The following PMFBP1 variants were observed in gnomAD, a reference collection of about 807,000 sequenced individuals.
PMFBP1 encodes polyamine-modulated factor 1-binding protein 1.
Under a neutral mutation model 137.8 loss-of-function variants are expected in PMFBP1, and 131 were observed. The observed-to-expected ratio is 0.95, with a 90% CI of 0.82 to 1.10. PMFBP1 has a LOEUF of 1.10. PMFBP1 is among the 50% of genes least tolerant of loss of function. The pLI, the probability that PMFBP1 is intolerant of heterozygous loss-of-function variation, is 0.00. For synonymous variants in PMFBP1, 490 were observed against 450.4 expected (o/e 1.09, Z -1.11); for missense variants, 1,199 against 1,175.4 (o/e 1.02, Z -0.29).
the PMFBP1 span, among the ~76,000 whole-genome samples, chr16:72,213,800 C>T: frequency 2.6e-5 from 4 of 152,218 alleles, no homozygotes; most frequent in East Asian, 7.7e-4. Context: ...GGGAAGAGAT[C>T]AAGGATTAGT....
the PMFBP1 span, among the ~76,000 whole-genome samples, chr16:72,246,465 A>T: frequency 1.3e-5 from 2 of 152,062 alleles, no homozygotes. Context: ...GTCCTTTGTG[A>T]TCTGGCCTCA....
At chr16:72,159,387 G>A (rs1022726753) in intron 3 of PMFBP1, among the ~76,000 whole-genome samples, 3 of 152,188 alleles carry the variant, frequency 2.0e-5, no homozygotes, top group Admixed American at 1.3e-4. Flanking sequence ...CCCAGAGGTC[G>A]TCTTGGATCT....
chr16:72,211,951 C>T, the PMFBP1 span, among the ~76,000 whole-genome samples: 1 of 152,042 alleles, frequency 6.6e-6, no homozygotes, highest in Non-Finnish European at 1.5e-5. Flanking sequence ...GAGCTGAGAT[C>T]CTGCCACTGC....
the PMFBP1 span, among the ~76,000 whole-genome samples, chr16:72,233,230 C>G: frequency 1.3e-5 from 2 of 152,124 alleles, no homozygotes; most frequent in Non-Finnish European, 2.9e-5. Flanking sequence ...ACCAACACCC[C>G]TAGCCCTAAT....
At chr16:72,164,701 C>T (rs1165636536) in intron 3 of PMFBP1, 63 bp downstream of exon 3, 1 of 1,530,282 alleles carries the variant, frequency 6.5e-7, no homozygotes, top group East Asian at 2.3e-5. Flanking sequence ...ATTATTCCCG[C>T]CCAAGGGAGC....
the PMFBP1 span, among the ~76,000 whole-genome samples, chr16:72,199,591 T>C: frequency 1.2e-4 from 18 of 147,442 alleles, no homozygotes; most frequent in African/African-American, 4.3e-4. Flanking sequence ...GAGGTGGAAG[T>C]TGCAGGGAGC....
At chr16:72,198,185 C>T in the PMFBP1 span, among the ~76,000 whole-genome samples, 3 of 152,106 alleles carry the variant, frequency 2.0e-5, no homozygotes, top group Non-Finnish European at 4.4e-5. Context: ...GCCATGGCGA[C>T]GTGTTCCAAG....
upstream of PMFBP1, among the ~76,000 whole-genome samples, chr16:72,177,395 G>A (rs140447700): frequency 3.9e-5 from 6 of 152,154 alleles, no homozygotes; most frequent in African/African-American, 1.4e-4. Context: ...CCCCCTTACA[G>A]CCCTTTTCCC....
upstream of PMFBP1, among the ~76,000 whole-genome samples, chr16:72,180,546 C>T (rs562715181): frequency 4.6e-5 from 7 of 152,184 alleles, no homozygotes; most frequent in African/African-American, 1.4e-4. Context: ...AACAAGTTGT[C>T]GGAAATGAAA....
intron 5 of PMFBP1, among the ~76,000 whole-genome samples, chr16:72,149,791 A>G (rs79862425): frequency 2.7e-5 from 4 of 149,502 alleles, no homozygotes; most frequent in African/African-American, 7.3e-5. Flanking sequence ...CCACTATCTC[A>G]AAAAAAAAAT....
At chr16:72,187,317 A>G in the PMFBP1 span, among the ~76,000 whole-genome samples, 1 of 152,126 alleles carries the variant, frequency 6.6e-6, no homozygotes, top group Non-Finnish European at 1.5e-5. Flanking sequence ...GGGCTCCAAG[A>G]TCTGTCCACA....
intron 15 of PMFBP1, 139 bp from the exon 16 acceptor site, chr16:72,125,544 G>C: frequency 1.0e-6 from 1 of 975,270 alleles, no homozygotes. Flanking sequence ...TAGTCTCCCA[G>C]AGAGGGGTGG....
At chr16:72,127,951 A>G (rs1212795720) in intron 14 of PMFBP1, among the ~76,000 whole-genome samples, 1 of 152,228 alleles carries the variant, frequency 6.6e-6, no homozygotes, top group Non-Finnish European at 1.5e-5. Flanking sequence ...ACCAACTACC[A>G]AGGTGTTATA....
the PMFBP1 span, among the ~76,000 whole-genome samples, chr16:72,233,610 T>C: frequency 6.6e-6 from 1 of 152,192 alleles, no homozygotes; most frequent in East Asian, 1.9e-4. Flanking sequence ...CTTTAAAGTA[T>C]ACAATTCAAT....
the PMFBP1 span, among the ~76,000 whole-genome samples, chr16:72,183,126 C>G: frequency 6.6e-6 from 1 of 152,226 alleles, no homozygotes; most frequent in Admixed American, 6.5e-5. Flanking sequence ...TGCATGCCAC[C>G]TTGTAGCTTC....
the PMFBP1 span, among the ~76,000 whole-genome samples, chr16:72,224,202 G>A: frequency 8.5e-5 from 13 of 152,174 alleles, no homozygotes; most frequent in Non-Finnish European, 1.6e-4. Flanking sequence ...GTCATGTTCT[G>A]TGAATTCTTC....
the PMFBP1 span, among the ~76,000 whole-genome samples, chr16:72,228,531 T>C: frequency 6.6e-6 from 1 of 152,192 alleles, no homozygotes; most frequent in African/African-American, 2.4e-5. Context: ...TCTCCATCAC[T>C]GTGGGGAACA....
the PMFBP1 span, among the ~76,000 whole-genome samples, chr16:72,244,114 T>A: frequency 6.6e-6 from 1 of 152,014 alleles, no homozygotes; most frequent in African/African-American, 2.4e-5. Context: ...GTGCTCAAAA[T>A]CAAATGCAGA....
At chr16:72,156,453 C>T (rs941103111) in intron 3 of PMFBP1, among the ~76,000 whole-genome samples, 2 of 151,850 alleles carry the variant, frequency 1.3e-5, no homozygotes, top group Admixed American at 6.6e-5. Context: ...CCCGTCTCCA[C>T]TAAAAATACA....
Sources: allele counts gnomAD v4.1 joint callset (sites outside exome capture counted in the v4.1 genomes callset), GRCh38; gene constraint gnomAD v4.1.1; transcripts MANE v1.5; gene names NCBI Gene and HGNC (gene_info 2026-07-23, HGNC 2026-07-21).